AKAP11: variants seen among roughly 807,000 people sequenced by gnomAD.
AKAP11 encodes A-kinase anchor protein 11.
In AKAP11, 36 loss-of-function variants were observed where a neutral mutation model predicts 146.1. The ratio of observed to expected loss-of-function variants is 0.25; its 90% CI spans 0.19 to 0.33. The LOEUF (loss-of-function observed/expected upper bound fraction) is 0.33, where lower values mean the gene tolerates loss of function less well. Ranked by LOEUF, AKAP11 falls within the 10% of genes least tolerant of loss-of-function variation. The probability of loss-of-function intolerance (pLI) is 1.00; values close to 1 mark genes in which losing one functional copy is unlikely to be tolerated. For missense variants in AKAP11, 2,201 were observed against 2,197.0 expected (o/e 1.00, Z -0.04); for synonymous variants, 780 against 786.5 (o/e 0.99, Z 0.14).
In AKAP11 at chr13:42,297,057, G is replaced by T. The variant is rs921743088; in HGVS notation, c.226G>T (p.Ala76Ser). The change falls in exon 6 of 13, where the codon GCA (alanine) becomes TCA (serine). Residue 76 changes from alanine (A) to serine (S), a missense_variant. By Grantham distance (99) the Ala-to-Ser change is moderately conservative. Coordinates refer to ENST00000025301, the MANE Select transcript of AKAP11 (RefSeq NM_016248.4). ...TDAAHIQDLAAVSLELPDILN... is the reference protein window; with the variant it reads ...TDAAHIQDLASVSLELPDILN... ...TATTATTTTAAATCAGGATTTAGCT[G>T]CAGTTTCTTTGGAACTTCCAGATAT... 3.1e-6 allele frequency: 5 copies of T among 1,590,698 alleles called. No homozygotes were observed. Among genetic ancestry groups the T allele is most frequent in the Non-Finnish European group, 4.3e-6 (5 of 1,171,242 alleles).
At chr13:42,313,482 A>T (rs1335430840) in intron 10 of AKAP11, among the ~76,000 whole-genome samples, 3 of 152,130 alleles carry the variant, frequency 2.0e-5, no homozygotes, top group Non-Finnish European at 4.4e-5. Context: ...TATATAAGAA[A>T]AGTATAGGTA....
chr13:42,282,674 T>A (rs1196946242), intron 1 of AKAP11, among the ~76,000 whole-genome samples: 2 of 152,208 alleles, frequency 1.3e-5, no homozygotes, highest in Non-Finnish European at 2.9e-5. Context: ...TTTTTAGCAA[T>A]GTCTGTTCTG....
In AKAP11 at chr13:42,303,327, A is replaced by G. The variant is rs1211562719; in HGVS notation, c.4581A>G (p.Leu1527=). 1.2e-6 allele frequency: 2 copies of G among 1,612,674 alleles called. No individual in the cohort carries two copies. The highest frequency in any genetic ancestry group is 1.7e-6 in the Non-Finnish European group (2 of 1,180,026). The stretch of plus-strand genomic sequence containing the variant: ...GGTTTTACCACAGCACTGGCAGTTT[A>G]AATGGATATGGTTGTGGAGACAATG... ...NHRFYHSTGS[L]NGYGCGDNVV... is the part of the protein sequence containing the mutation. Residue 1527 remains leucine (L), a synonymous_variant, in exon 8 of 13, where the codon TTA becomes TTG. Coordinates refer to ENST00000025301, the MANE Select transcript of AKAP11 (RefSeq NM_016248.4).
intron 9 of AKAP11, among the ~76,000 whole-genome samples, chr13:42,311,187 T>C (rs149104889): frequency 7.2e-5 from 11 of 152,316 alleles, no homozygotes; most frequent in African/African-American, 2.6e-4. Context: ...CAATAAAGCA[T>C]TGCAGTACTG....
Position 42,316,187 on chromosome 13 carries a change from T to G in AKAP11, c.5405-1341T>G, listed in dbSNP as rs79358083. ...GTAATGTGGACCAAATCTTTTTAAT[T>G]AAAAATTAGGGACCAACACAACTCC... is the stretch of plus-strand genomic sequence containing the variant. On this transcript the variant is annotated intron_variant, in intron 11 of 12. Coordinates refer to ENST00000025301, the MANE Select transcript of AKAP11 (RefSeq NM_016248.4). Among the ~76,000 whole-genome samples, 558 of 152,248 alleles carry G rather than the reference T, an allele frequency of 3.7e-3. 11 individuals are homozygous for G. In the East Asian group the frequency reaches 0.046, roughly 13 times the overall value.
chr13:42,292,709 A>G (rs893673856), intron 4 of AKAP11, among the ~76,000 whole-genome samples: 16 of 152,214 alleles, frequency 1.1e-4, no homozygotes, highest in African/African-American at 3.6e-4. Context: ...CTTAATTGAC[A>G]ATGAACTCAA....
In AKAP11 at chr13:42,302,695, C is replaced by G. The variant is rs184481431; in HGVS notation, c.3949C>G (p.Pro1317Ala). ...TGTAGTGCACCCAAGAGAAGTGGAT[C>G]CGTTTATTCTTTCATTACCACCAAG... ...EAVVHPREVD[P>A]FILSLPPSSC... Residue 1317 changes from proline to alanine, a missense_variant, in exon 8 of 13, where the codon CCG (proline) becomes GCG (alanine). This residue lies in a region of AKAP11 where 1,867 missense variants were observed against 1,833.5 expected (regional missense o/e 1.02). Transcript: ENST00000025301. 1.2e-5 allele frequency: 19 copies of G among 1,614,002 alleles called. No individual in the cohort carries two copies. In the East Asian group the frequency reaches 2.9e-4, roughly 25 times the overall value.
intron 8 of AKAP11, 86 bp from the exon 9 acceptor site, chr13:42,308,368 A>C: frequency 8.7e-7 from 1 of 1,152,246 alleles, no homozygotes; most frequent in Non-Finnish European, 1.2e-6. Context: ...TGTTTTTATC[A>C]TCTTTGTCAT....
At chr13:42,284,883 G>A (rs575338054) in intron 1 of AKAP11, among the ~76,000 whole-genome samples, 12 of 152,246 alleles carry the variant, frequency 7.9e-5, no homozygotes, top group Admixed American at 7.8e-4. Flanking sequence ...TCATGCTGCT[G>A]CTTCAATTTC....
chr13:42,286,446 A>C, intron 3 of AKAP11, 47 bp downstream of exon 3: 1 of 1,464,494 alleles, frequency 6.8e-7, no homozygotes, highest in Non-Finnish European at 9.3e-7. Flanking sequence ...TTTAATTAAA[A>C]TGTTGATTTT....
At chr13:42,317,468 C>T in intron 11 of AKAP11, 60 bp from the exon 12 acceptor site, 10 of 1,482,420 alleles carry the variant, frequency 6.7e-6, no homozygotes, top group Non-Finnish European at 9.1e-6. Flanking sequence ...ACTTGACAAC[C>T]AGAGTATTGA....
Position 42,302,278 on chromosome 13 carries a change from G to C in AKAP11, c.3532G>C (p.Glu1178Gln). The C allele has an allele frequency of 6.2e-7, 1 of 1,614,186 alleles. No homozygotes were observed. The highest frequency in any genetic ancestry group is 1.3e-5 in the African/African-American group (1 of 75,052). ...TCTTTCTGAAGAAGTTGAGAGTAGTGAAAGTGGAGAGCTCCCAGAAGTGGA... is the reference window on the plus strand; with the variant it reads ...TCTTTCTGAAGAAGTTGAGAGTAGTCAAAGTGGAGAGCTCCCAGAAGTGGA... ...RSLSEEVESS[E>Q]SGELPEVDVK... The change falls in exon 8 of 13, where the codon GAA becomes CAA. Residue 1178 changes from glutamate (E) to glutamine (Q), a missense_variant. By Grantham distance (29) the Glu-to-Gln change is conservative. Around this residue, in one of 3 missense-constraint regions of AKAP11, gnomAD observed 1,867 missense variants for 1,833.5 expected, o/e 1.02. Transcript: ENST00000025301.
chr13:42,294,996 T>C (rs1035616445), intron 4 of AKAP11, among the ~76,000 whole-genome samples: 1 of 152,230 alleles, frequency 6.6e-6, no homozygotes, highest in Non-Finnish European at 1.5e-5. Flanking sequence ...AGGTATTCTT[T>C]AGAAAGTCTG....
At chr13:42,313,245 C>A in intron 10 of AKAP11, 115 bp downstream of exon 10, 1 of 704,414 alleles carries the variant, frequency 1.4e-6, no homozygotes, top group Non-Finnish European at 2.3e-6. Context: ...TGCTTTTCTC[C>A]TATATTTTGA....
chr13:42,316,507 A>G (rs1960827732), intron 11 of AKAP11, among the ~76,000 whole-genome samples: 1 of 152,250 alleles, frequency 6.6e-6, no homozygotes, highest in Admixed American at 6.5e-5. Flanking sequence ...TTATCATAAA[A>G]AAAGAAAATA....
chr13:42,286,192 T>G, intron 2 of AKAP11, 108 bp from the exon 3 acceptor site: 1 of 444,090 alleles, frequency 2.3e-6, no homozygotes, highest in Non-Finnish European at 4.0e-6. Flanking sequence ...TTTGTTTTCA[T>G]TTTTATTTTT....
At position 42,320,597 on chromosome 13, in the gene AKAP11, G is replaced by A. The variant is rs968749622; in HGVS notation, c.*1369G>A. 3.3e-5 allele frequency: 5 copies of A among 150,628 alleles called. No individual in the cohort carries two copies. Among genetic ancestry groups the A allele is most frequent in the Admixed American group, 1.3e-4 (2 of 14,948 alleles). 9.3% of individuals were successfully genotyped at this position (150,628 alleles called of 1,614,324 possible). ...CGCTGTGTCCTGTGTATGTGTGGGTGTGTGTGTATTTGGGTGTGTAAATGT... is the reference window on the plus strand; with the variant it reads ...CGCTGTGTCCTGTGTATGTGTGGGTATGTGTGTATTTGGGTGTGTAAATGT... On this transcript the variant is annotated 3_prime_UTR_variant, in exon 13 of 13. Coordinates refer to ENST00000025301, the MANE Select transcript of AKAP11 (RefSeq NM_016248.4).
rs1411058096 is a variant in AKAP11 at position 42,302,300 on chromosome 13, T to G, written c.3554T>G (p.Val1185Gly). Residue 1185 changes from valine to glycine, a missense_variant, in exon 8 of 13, where the codon GTG (valine) becomes GGG (glycine). Physicochemically the swap from Val to Gly is moderately radical, Grantham distance 109 (BLOSUM62 -3). Transcript: ENST00000025301. The part of the protein sequence containing the change: ...ESSESGELPE[V>G]DVKSEHSGKK... ...AGTGAAAGTGGAGAGCTCCCAGAAG[T>G]GGATGTGAAGTCGGAGCACTCAGGG... 1.2e-6 allele frequency: 2 copies of G among 1,613,988 alleles called. No homozygotes were observed. Among genetic ancestry groups the G allele is most frequent in the Non-Finnish European group, 8.5e-7 (1 of 1,180,026 alleles).
At chr13:42,288,928 T>C (rs1416482929) in intron 3 of AKAP11, among the ~76,000 whole-genome samples, 3 of 152,182 alleles carry the variant, frequency 2.0e-5, no homozygotes, top group Admixed American at 6.5e-5. Context: ...AAGAATACTT[T>C]ATAGGGTGAT....
Sources: allele counts gnomAD v4.1 joint callset (sites outside exome capture counted in the v4.1 genomes callset), GRCh38; gene constraint gnomAD v4.1.1; regional missense constraint gnomAD v4.1.1; transcripts MANE v1.5; gene names NCBI Gene and HGNC (gene_info 2026-07-23, HGNC 2026-07-21).